The following LMBR1 variants were observed in gnomAD, a reference collection of about 807,000 sequenced individuals.
LMBR1 encodes the protein limb region 1 protein homolog.
In LMBR1, 52 loss-of-function variants were observed where a neutral mutation model predicts 73.9. The ratio of observed to expected loss-of-function variants is 0.70; its 90% CI spans 0.56 to 0.89. The LOEUF (loss-of-function observed/expected upper bound fraction) is 0.89. Ranked by LOEUF, LMBR1 falls within the 40% of genes least tolerant of loss-of-function variation. The pLI is 0.00. For missense variants in LMBR1, 539 were observed against 579.8 expected (o/e 0.93, Z 0.72); for synonymous variants, 215 against 209.4 (o/e 1.03, Z -0.23).
At chr7:156,796,785 T>C (rs182732434) in intron 4 of LMBR1, among the ~76,000 whole-genome samples, 1 of 152,262 alleles carries the variant, frequency 6.6e-6, no homozygotes, top group East Asian at 1.9e-4. Flanking sequence ...TTTAGACATA[T>C]AGGCACCGGA....
chr7:156,830,741 T>C (rs1287443880), intron 3 of LMBR1, among the ~76,000 whole-genome samples: 3 of 152,216 alleles, frequency 2.0e-5, no homozygotes, highest in Admixed American at 1.3e-4. Context: ...TCTTAAGCGG[T>C]AACACTGTCA....
At chr7:156,872,748 A>C (rs556111946) in intron 1 of LMBR1, among the ~76,000 whole-genome samples, 2 of 152,308 alleles carry the variant, frequency 1.3e-5, no homozygotes, top group Admixed American at 1.3e-4. Flanking sequence ...AGAAAGCTAC[A>C]TTTGGAGGAA....
rs971297570 is a variant in LMBR1, at chr7:156,826,801, G to A, written c.180-57C>T. ...ATCTGAAAAAGCAATGAACACGAAA[G>A]TCATCAAAAAGAATGCAAACTCTTT... On this transcript the variant is annotated intron_variant, in intron 3 of 16. Transcript: ENST00000353442. The A allele has an allele frequency of 2.5e-5, 37 of 1,488,758 alleles. No individual in the cohort carries two copies. The East Asian group carries it at 7.3e-4, about 29-fold the overall frequency. 92.2% of individuals were successfully genotyped at this position (1,488,758 alleles called of 1,614,324 possible).
chr7:156,810,720 TG>T (rs1234388890), intron 4 of LMBR1, among the ~76,000 whole-genome samples: 2 of 151,776 alleles, frequency 1.3e-5, no homozygotes, highest in African/African-American at 2.4e-5. Flanking sequence ...ACATGAGGTA[TG>T]GGGGAATAAA....
chr7:156,861,168 T>G (rs547708416), intron 1 of LMBR1, among the ~76,000 whole-genome samples: 1 of 152,240 alleles, frequency 6.6e-6, no homozygotes, highest in East Asian at 1.9e-4. Flanking sequence ...TGGGCATCCA[T>G]GCATTTCCAT....
chr7:156,747,684 A>G (rs1167523864), intron 9 of LMBR1, among the ~76,000 whole-genome samples: 2 of 152,058 alleles, frequency 1.3e-5, no homozygotes, highest in Non-Finnish European at 2.9e-5. Flanking sequence ...CTTTTAATTT[A>G]CCATATAACC....
In LMBR1 at chr7:156,694,370, C is replaced by CT. The variant is rs1482166350; in HGVS notation, c.1226-6180dup. 2.0e-5 allele frequency among the ~76,000 whole-genome samples: 3 copies of CT among 151,442 alleles called. No individual in the cohort carries two copies. The East Asian group carries it at 5.9e-4, about 30-fold the overall frequency. On this transcript the variant is annotated intron_variant, in intron 15 of 16. Coordinates refer to ENST00000353442, the MANE Select transcript of LMBR1 (RefSeq NM_022458.4). ...CCGGTCTTGAACTCCTGGACTCAAGCTATCCACCCACCTTGACCTCCCAAA... is the reference window on the plus strand; with the variant it reads ...CCGGTCTTGAACTCCTGGACTCAAGCTTATCCACCCACCTTGACCTCCCAAA...
intron 5 of LMBR1, chr7:156,779,754 C>T: frequency 1.7e-6 from 2 of 1,180,160 alleles, no homozygotes; most frequent in South Asian, 1.3e-5. Flanking sequence ...GTAAAAACCA[C>T]TTCATACACT....
chr7:156,747,248 A>G (rs1299709320), intron 9 of LMBR1, among the ~76,000 whole-genome samples: 1 of 152,154 alleles, frequency 6.6e-6, no homozygotes, highest in African/African-American at 2.4e-5. Context: ...AACTTTGATC[A>G]AGTAAGTATT....
Position 156,840,995 on chromosome 7 carries a change from A to C in LMBR1, c.67-4110T>G, listed in dbSNP as rs1027754350. Among the ~76,000 whole-genome samples, 62 of 151,414 alleles carry C rather than the reference A, an allele frequency of 4.1e-4. 1 individual carries two copies. Among genetic ancestry groups the C allele is most frequent in the African/African-American group, 1.4e-3 (58 of 41,304 alleles). ...AAAAAAAAAAAAAAAGAAAAAGAAA[A>C]GAAACTGGAAAAGGGCCAGGACAGA... On this transcript the variant is annotated intron_variant, in intron 1 of 16. Transcript: ENST00000353442.
At chr7:156,675,378 C>A (rs1215201525), downstream of LMBR1, among the ~76,000 whole-genome samples, 1 of 152,140 alleles carries the variant, frequency 6.6e-6, no homozygotes, top group Non-Finnish European at 1.5e-5. Flanking sequence ...AGAGGTCAGA[C>A]GGTCCCTCCT....
intron 5 of LMBR1, among the ~76,000 whole-genome samples, chr7:156,777,657 T>C (rs1322243520): frequency 6.6e-6 from 1 of 152,242 alleles, no homozygotes; most frequent in African/African-American, 2.4e-5. Flanking sequence ...CCAACAACTC[T>C]GAAGTTTATA....
At chr7:156,865,521 T>C (rs1341385064) in intron 1 of LMBR1, among the ~76,000 whole-genome samples, 2 of 152,182 alleles carry the variant, frequency 1.3e-5, no homozygotes, top group African/African-American at 2.4e-5. Context: ...ATCTACATAT[T>C]CAATATAATT....
chr7:156,695,457 G>A (rs1014024883), intron 15 of LMBR1, among the ~76,000 whole-genome samples: 4 of 152,218 alleles, frequency 2.6e-5, no homozygotes, highest in African/African-American at 9.6e-5. Context: ...CAGTTTCTGG[G>A]GAGGTCTAAG....
chr7:156,770,806 T>C (rs1267226540), intron 5 of LMBR1, among the ~76,000 whole-genome samples: 1 of 151,998 alleles, frequency 6.6e-6, no homozygotes, highest in Non-Finnish European at 1.5e-5. Flanking sequence ...CCCAGCTACT[T>C]GGGAGGCTGA....
chr7:156,779,884 T>A (rs577433989), intron 5 of LMBR1, among the ~76,000 whole-genome samples: 1 of 152,286 alleles, frequency 6.6e-6, no homozygotes, highest in South Asian at 2.1e-4. Flanking sequence ...AAAATAAGGT[T>A]TGCTCAGCAT....
chr7:156,850,010 T>C (rs1352941465), intron 1 of LMBR1, among the ~76,000 whole-genome samples: 7 of 152,206 alleles, frequency 4.6e-5, no homozygotes, highest in Non-Finnish European at 8.8e-5. Context: ...TAAAGTCTAA[T>C]TTTAAAAAGT....
intron 15 of LMBR1, among the ~76,000 whole-genome samples, chr7:156,708,299 C>T (rs1811391680): frequency 6.6e-6 from 1 of 152,184 alleles, no homozygotes. Context: ...CCATGAGACA[C>T]AGGCAAAAAA....
intron 1 of LMBR1, among the ~76,000 whole-genome samples, chr7:156,866,227 G>A (rs758601564): frequency 6.6e-6 from 1 of 152,094 alleles, no homozygotes; most frequent in Non-Finnish European, 1.5e-5. Context: ...TAGTGACAAC[G>A]AAACTCTCCA....
Sources: allele counts gnomAD v4.1 joint callset (sites outside exome capture counted in the v4.1 genomes callset), GRCh38; gene constraint gnomAD v4.1.1; transcripts MANE v1.5; gene names NCBI Gene and HGNC (gene_info 2026-07-23, HGNC 2026-07-21).